ANKS1B: variants seen among roughly 807,000 people sequenced by gnomAD.
ANKS1B encodes ankyrin repeat and sterile alpha motif domain-containing protein 1B.
Under a neutral mutation model 148.3 loss-of-function variants are expected in ANKS1B, and 36 were observed. The observed-to-expected ratio is 0.24, with a 90% confidence interval of 0.19 to 0.32. The LOEUF (loss-of-function observed/expected upper bound fraction) is 0.32, where lower values mean the gene tolerates loss of function less well. Among genes scored for constraint, ANKS1B ranks in the 10% least tolerant of loss-of-function variants. The pLI is 1.00. For synonymous variants in ANKS1B, 542 were observed against 560.8 expected (o/e 0.97, Z 0.47); for missense variants, 1,157 against 1,542.6 (o/e 0.75, Z 4.19).
intron 10 of ANKS1B, among the ~76,000 whole-genome samples, chr12:99,457,137 G>C (rs2095859945): frequency 6.6e-6 from 1 of 152,022 alleles, no homozygotes; most frequent in Non-Finnish European, 1.5e-5. Context: ...TATCAGCCAA[G>C]AATTTTGTGT....
Position 98,781,217 on chromosome 12 carries a change from T to C in ANKS1B, c.3355-14A>G, listed in dbSNP as rs774763118. On this transcript the variant is annotated splice_polypyrimidine_tract_variant and intron_variant, in intron 23 of 26. Transcript: ENST00000683438. ...CTCTGTAGACTTCTGAAATTAAAAT[T>C]AGAAAGCTGTTAGAGCAGTTTGTGT... 5 of 1,534,266 alleles carry C rather than the reference T, an allele frequency of 3.3e-6. No individual in the cohort carries two copies. Among genetic ancestry groups the C allele is most frequent in the Non-Finnish European group, 8.9e-7 (1 of 1,126,506 alleles).
At chr12:99,014,616 G>A (rs1334301369) in intron 17 of ANKS1B, among the ~76,000 whole-genome samples, 1 of 151,622 alleles carries the variant, frequency 6.6e-6, no homozygotes, top group African/African-American at 2.4e-5. Flanking sequence ...ATTGTGCAAA[G>A]TATGCATCTG....
At chr12:99,024,072 G>A (rs17029000) in intron 17 of ANKS1B, among the ~76,000 whole-genome samples, 6,414 of 151,710 alleles carry the variant, frequency 0.042, 272 homozygotes, top group African/African-American at 0.095. Flanking sequence ...GCACACTATT[G>A]TTATCAGTGG....
chr12:99,925,330 A>G (rs1317190213), intron 1 of ANKS1B, among the ~76,000 whole-genome samples: 1 of 152,150 alleles, frequency 6.6e-6, no homozygotes, highest in African/African-American at 2.4e-5. Flanking sequence ...TCTCTGGATA[A>G]AGCTGATACC....
At chr12:99,408,535 G>A (rs767870487) in intron 11 of ANKS1B, among the ~76,000 whole-genome samples, 2 of 145,216 alleles carry the variant, frequency 1.4e-5, no homozygotes, top group Non-Finnish European at 3.0e-5. Context: ...CACAGCAAAG[G>A]AAACAACCAA....
At chr12:99,855,344 G>C (rs961128986) in intron 1 of ANKS1B, among the ~76,000 whole-genome samples, 1 of 151,958 alleles carries the variant, frequency 6.6e-6, no homozygotes, top group African/African-American at 2.4e-5. Context: ...AAAAGAACTA[G>C]TCCAACAGGA....
At chr12:99,095,408 T>C (rs944580682) in intron 15 of ANKS1B, among the ~76,000 whole-genome samples, 1 of 152,198 alleles carries the variant, frequency 6.6e-6, no homozygotes. Context: ...CCTGCTACCC[T>C]TCTGTGCCCA....
intron 14 of ANKS1B, among the ~76,000 whole-genome samples, chr12:99,220,551 A>G (rs2084949398): frequency 7.1e-6 from 1 of 141,694 alleles, no homozygotes; most frequent in Admixed American, 7.7e-5. Flanking sequence ...GGTTCACACC[A>G]TTCTCCTGCC....
chr12:99,129,915 A>C (rs1228622597), intron 15 of ANKS1B, among the ~76,000 whole-genome samples: 1 of 152,246 alleles, frequency 6.6e-6, no homozygotes, highest in Admixed American at 6.5e-5. Flanking sequence ...AGTGCACAAG[A>C]ACGGGATGAA....
intron 12 of ANKS1B, among the ~76,000 whole-genome samples, chr12:99,356,705 T>A (rs1200392209): frequency 6.6e-6 from 1 of 152,190 alleles, no homozygotes; most frequent in Admixed American, 6.5e-5. Flanking sequence ...TTCCAGCAGA[T>A]TGATGCCTAA....
intron 17 of ANKS1B, among the ~76,000 whole-genome samples, chr12:98,888,175 T>C (rs1014269007): frequency 8.5e-5 from 13 of 152,222 alleles, no homozygotes; most frequent in Non-Finnish European, 1.9e-4. Flanking sequence ...AATAATACAA[T>C]GACTTTTTTC....
chr12:99,039,524 C>G (rs1040002011), intron 17 of ANKS1B, among the ~76,000 whole-genome samples: 2 of 152,184 alleles, frequency 1.3e-5, no homozygotes, highest in Non-Finnish European at 2.9e-5. Context: ...AATACAAGGG[C>G]TGGTAAAAGG....
chr12:99,196,641 T>A (rs1480599360), intron 14 of ANKS1B, among the ~76,000 whole-genome samples: 1 of 152,038 alleles, frequency 6.6e-6, no homozygotes, highest in African/African-American at 2.4e-5. Context: ...ATTATTATTA[T>A]ACTTTAAGTT....
At chr12:99,488,322 C>T (rs533869245) in intron 10 of ANKS1B, among the ~76,000 whole-genome samples, 8 of 152,182 alleles carry the variant, frequency 5.3e-5, no homozygotes, top group African/African-American at 1.9e-4. Context: ...TCTTCTCCTT[C>T]GCATTTTTGG....
chr12:99,463,358 G>A (rs578119581), intron 10 of ANKS1B, among the ~76,000 whole-genome samples: 57 of 152,342 alleles, frequency 3.7e-4, no homozygotes, highest in African/African-American at 1.2e-3. Flanking sequence ...CCCAGCATGA[G>A]TGACGCAGAA....
At chr12:99,098,731 G>C (rs1244764606) in intron 15 of ANKS1B, among the ~76,000 whole-genome samples, 1 of 138,740 alleles carries the variant, frequency 7.2e-6, no homozygotes, top group African/African-American at 2.7e-5. Flanking sequence ...GAAAGAGGCA[G>C]CATGTGTGAT....
intron 1 of ANKS1B, among the ~76,000 whole-genome samples, chr12:99,878,441 G>A (rs964776055): frequency 3.3e-5 from 5 of 152,162 alleles, no homozygotes; most frequent in Non-Finnish European, 7.4e-5. Context: ...TTTGGTGTGC[G>A]TCTTTTCAAA....
At chr12:98,905,499 AAGGCT>A (rs1295551146) in intron 17 of ANKS1B, among the ~76,000 whole-genome samples, 2 of 152,102 alleles carry the variant, frequency 1.3e-5, no homozygotes, top group Admixed American at 1.3e-4. Context: ...GCTGGGCGCA[AAGGCT>A]CCTGCCTGTG....
chr12:99,650,165 T>TAAATAAATTAATAGATGACAG (rs1394486490), intron 9 of ANKS1B: 1 of 152,224 alleles, frequency 6.6e-6, no homozygotes, highest in East Asian at 1.9e-4. Context: ...TTATATTTTT[T>TAAATAAATTAATAGATGACAG]AAATAAATTA....
Sources: allele counts gnomAD v4.1 joint callset (sites outside exome capture counted in the v4.1 genomes callset), GRCh38; gene constraint gnomAD v4.1.1; transcripts MANE v1.5; gene names NCBI Gene and HGNC (gene_info 2026-07-23, HGNC 2026-07-21).